The following MBTD1 variants were observed in gnomAD, a reference collection of about 807,000 sequenced individuals.
MBTD1 encodes the protein MBT domain-containing protein 1.
A neutral mutation model predicts 87.8 loss-of-function variants in MBTD1; 24 were observed. The ratio of observed to expected loss-of-function variants is 0.27; its 90% confidence interval spans 0.20 to 0.38. The LOEUF is 0.38. Among genes scored for constraint, MBTD1 ranks in the 10% least tolerant of loss-of-function variants. The pLI is 1.00. For missense variants in MBTD1, 436 were observed against 760.2 expected, an observed-to-expected ratio of 0.57 and a Z score of 5.02; for synonymous variants, 237 against 248.6, an observed-to-expected ratio of 0.95 and a Z score of 0.44.
intron 2 of MBTD1, among the ~76,000 whole-genome samples, chr17:51,231,989 T>C (rs2053575683): frequency 6.6e-6 from 1 of 152,122 alleles, no homozygotes; most frequent in South Asian, 2.1e-4. Flanking sequence ...TGGAAACTCC[T>C]ACATTAGACC....
At chr17:51,256,042 AC>A (rs1242034726) in intron 2 of MBTD1, among the ~76,000 whole-genome samples, 50 of 152,366 alleles carry the variant, frequency 3.3e-4, no homozygotes, top group African/African-American at 1.2e-3. Context: ...CGTTGAACAA[AC>A]TAATGAGTAT....
At chr17:51,204,552 G>A (rs1457742743) in intron 7 of MBTD1, among the ~76,000 whole-genome samples, 1 of 130,350 alleles carries the variant, frequency 7.7e-6, no homozygotes, top group Non-Finnish European at 1.7e-5. Context: ...GCCCAGGCTG[G>A]AGTGCAGTGG....
chr17:51,254,766 G>C (rs1489937239), intron 2 of MBTD1, among the ~76,000 whole-genome samples: 1 of 152,192 alleles, frequency 6.6e-6, no homozygotes, highest in Non-Finnish European at 1.5e-5. Context: ...TAGGCTTTCA[G>C]TTCTTCCGAA....
At position 51,214,055 on chromosome 17, in the gene MBTD1, G is replaced by GTA. The variant is rs1420870423; in HGVS notation, c.486+3277_486+3278dup. ...AGTATATATGTGTGTGTGTATGTGT[G>GTA]TATATATATGTATAAACACACACAT... On this transcript the variant is annotated intron_variant, in intron 6 of 16. Transcript: ENST00000586178. 5.9e-5 allele frequency among the ~76,000 whole-genome samples: 9 copies of GTA among 152,028 alleles called. 1 individual carries two copies. Among genetic ancestry groups the GTA allele is most frequent in the South Asian group, 4.2e-4 (2 of 4,818 alleles).
chr17:51,192,625 CTG>C, intron 15 of MBTD1, 155 bp downstream of exon 15: 1 of 1,323,014 alleles, frequency 7.6e-7, no homozygotes, highest in Non-Finnish European at 1.0e-6. Context: ...TGGTCTGATT[CTG>C]TGATATTGTT....
At chr17:51,195,482 G>A (rs1253264276) in intron 12 of MBTD1, 121 bp from the exon 13 acceptor site, 5 of 676,786 alleles carry the variant, frequency 7.4e-6, no homozygotes, top group East Asian at 3.0e-5. Context: ...AGTGAAACAT[G>A]CTTCTCTATT....
At chr17:51,206,041 T>TA (rs1174794741) in intron 7 of MBTD1, among the ~76,000 whole-genome samples, 2 of 152,176 alleles carry the variant, frequency 1.3e-5, no homozygotes, top group Non-Finnish European at 2.9e-5. Context: ...TACCTGGTAG[T>TA]AGTCAACATT....
chr17:51,213,116 G>C (rs2052352703), intron 6 of MBTD1, among the ~76,000 whole-genome samples: 1 of 152,132 alleles, frequency 6.6e-6, no homozygotes, highest in African/African-American at 2.4e-5. Context: ...AGGGCTAACT[G>C]CAGCCCTGAC....
upstream of MBTD1, chr17:51,260,633 GCGAAGC>G (rs1394904038): frequency 6.2e-6 from 10 of 1,612,568 alleles, no homozygotes; most frequent in African/African-American, 1.3e-5. Context: ...GAGAACCGGA[GCGAAGC>G]CGAAGCGGAA....
chr17:51,257,251 T>C (rs2055144628), intron 2 of MBTD1, among the ~76,000 whole-genome samples: 1 of 152,220 alleles, frequency 6.6e-6, no homozygotes, highest in African/African-American at 2.4e-5. Context: ...CTCAGACTAA[T>C]GATACATAAG....
rs1261196837 is a variant in MBTD1, at chr17:51,179,521, T to TTC, written c.*1054_*1055insGA. The TTC allele has an allele frequency of 3.7e-5, 4 of 107,158 alleles. No homozygotes were observed. The highest frequency in any genetic ancestry group is 1.1e-4 in the African/African-American group (3 of 28,480). 6.6% of individuals were successfully genotyped at this position (107,158 alleles called of 1,614,324 possible). A position where few individuals can be genotyped will look rare whatever the true frequency, so the allele number is the denominator to read the frequency against. ...ATATATATATATATATATATATATA[T>TTC]ATATATATATATATATGGAATTTTA... On this transcript the variant is annotated 3_prime_UTR_variant, in exon 17 of 17. Transcript: ENST00000586178.
intron 6 of MBTD1, among the ~76,000 whole-genome samples, chr17:51,215,927 A>ATTTTTTTTTTTTTTTTTTTTTTTTTTTT (rs35988235): frequency 1.8e-5 from 2 of 114,210 alleles, no homozygotes; most frequent in Non-Finnish European, 1.7e-5. Context: ...TAAAGCCCTA[A>ATTTTTTTTTTTTTTTTTTTTTTTTTTTT]TTTTTTTTTT....
intron 2 of MBTD1, among the ~76,000 whole-genome samples, chr17:51,246,090 T>C (rs938702051): frequency 1.6e-4 from 24 of 152,254 alleles, no homozygotes; most frequent in African/African-American, 5.3e-4. Context: ...AATTTAATTA[T>C]AGTTTGAGTA....
intron 16 of MBTD1, among the ~76,000 whole-genome samples, chr17:51,188,522 A>C (rs541758660): frequency 1.3e-5 from 2 of 152,278 alleles, no homozygotes; most frequent in South Asian, 4.1e-4. Flanking sequence ...GCAAACGTAA[A>C]AACAAAAGGT....
intron 6 of MBTD1, among the ~76,000 whole-genome samples, chr17:51,212,583 G>A (rs117947032): frequency 0.023 from 3,512 of 151,112 alleles, 58 homozygotes; most frequent in Non-Finnish European, 0.032. Flanking sequence ...TCTGAAGTCT[G>A]TAAATATAAA....
At chr17:51,260,838 C>T (rs746546839), upstream of MBTD1, 52 of 1,598,826 alleles carry the variant, frequency 3.3e-5, no homozygotes, top group Non-Finnish European at 4.2e-5. Flanking sequence ...GAGGACAAAC[C>T]GGCCGTGGAG....
At chr17:51,245,414 A>G (rs1225408756) in intron 2 of MBTD1, among the ~76,000 whole-genome samples, 1 of 152,120 alleles carries the variant, frequency 6.6e-6, no homozygotes, top group Non-Finnish European at 1.5e-5. Context: ...TCAGTATTTT[A>G]TTTCATTGTA....
chr17:51,227,242 C>CA (rs71149355), intron 2 of MBTD1, among the ~76,000 whole-genome samples: 2,920 of 115,382 alleles, frequency 0.025, 180 homozygotes, highest in African/African-American at 0.079. Flanking sequence ...ACTCTGTCTC[C>CA]AAAAAAAAAA....
At chr17:51,195,423 T>G (rs1236761366) in intron 12 of MBTD1, 62 bp from the exon 13 acceptor site, 1 of 1,340,130 alleles carries the variant, frequency 7.5e-7, no homozygotes, top group East Asian at 2.4e-5. Flanking sequence ...AAAATAATAC[T>G]TTGACATTCT....
Sources: gnomAD v4.1 joint callset for allele counts (sites outside exome capture counted in the v4.1 genomes callset) on GRCh38, gnomAD v4.1.1 for gene constraint, MANE v1.5 for transcripts, NCBI Gene and HGNC (gene_info 2026-07-23, HGNC 2026-07-21) for gene names.